RUNX2: variants seen among roughly 807,000 people sequenced by gnomAD.
RUNX2 encodes RUNX family transcription factor 2.
RUNX2 carries 10 observed loss-of-function variants against 51.7 expected under a neutral mutation model. That is an observed-to-expected ratio of 0.19 (90% CI 0.12 to 0.33). The LOEUF (loss-of-function observed/expected upper bound fraction) is 0.33. Ranked by LOEUF, RUNX2 falls within the 10% of genes least tolerant of loss-of-function variation. The probability of loss-of-function intolerance (pLI) is 1.00; values close to 1 mark genes in which losing one functional copy is unlikely to be tolerated. For missense variants in RUNX2, 562 were observed against 691.3 expected (o/e 0.81, Z 2.10); for synonymous variants, 276 against 273.6 (o/e 1.01, Z -0.09).
intron 2 of RUNX2, among the ~76,000 whole-genome samples, chr6:45,398,167 G>T (rs548285123): frequency 1.3e-5 from 2 of 152,310 alleles, no homozygotes; most frequent in Admixed American, 6.5e-5. Flanking sequence ...CTTTCAGTGT[G>T]CACTTAGGAA....
chr6:45,495,975 G>A (rs1221090872), intron 6 of RUNX2, among the ~76,000 whole-genome samples: 1 of 152,146 alleles, frequency 6.6e-6, no homozygotes, highest in Non-Finnish European at 1.5e-5. Context: ...TTTAATGGCT[G>A]ATGTTCAGCT....
intron 2 of RUNX2, among the ~76,000 whole-genome samples, chr6:45,399,517 G>A (rs370397911): frequency 4.0e-5 from 6 of 151,238 alleles, no homozygotes; most frequent in African/African-American, 9.7e-5. Context: ...GCACCACCAC[G>A]CCCAGCTAAT....
At chr6:45,362,371 T>C (rs1205533974) in intron 2 of RUNX2, among the ~76,000 whole-genome samples, 2 of 152,096 alleles carry the variant, frequency 1.3e-5, no homozygotes, top group African/African-American at 2.4e-5. Flanking sequence ...AAAGCAGCAA[T>C]ATAAACAGGC....
chr6:45,463,954 G>A (rs1224045070), intron 5 of RUNX2, among the ~76,000 whole-genome samples: 2 of 152,216 alleles, frequency 1.3e-5, no homozygotes, highest in East Asian at 1.9e-4. Flanking sequence ...AGCACATTGG[G>A]AGGCTGAGGC....
intron 6 of RUNX2, among the ~76,000 whole-genome samples, chr6:45,502,554 A>T (rs987145620): frequency 6.6e-6 from 1 of 152,020 alleles, no homozygotes. Flanking sequence ...ACCCATCCAG[A>T]ACTCATCCTG....
Position 45,472,662 on chromosome 6 carries a change from C to T in RUNX2, c.686-19279C>T, listed in dbSNP as rs532071146. On this transcript the variant is annotated intron_variant, in intron 5 of 8. Transcript: ENST00000647337. ...GGCTTGTATCTGGTTCCTGCTCTGACCCTGTGGCCTGGACACTGCTTTCCT... is the reference window on the plus strand; with the variant it reads ...GGCTTGTATCTGGTTCCTGCTCTGATCCTGTGGCCTGGACACTGCTTTCCT... 1.1e-4 allele frequency among the ~76,000 whole-genome samples: 17 copies of T among 152,286 alleles called. No homozygotes were observed. The South Asian group carries it at 2.7e-3, about 24-fold the overall frequency.
chr6:45,437,923 T>C (rs767869632), intron 4 of RUNX2, 24 bp from the exon 5 acceptor site: 7 of 1,514,330 alleles, frequency 4.6e-6, no homozygotes, highest in Non-Finnish European at 6.4e-6. Flanking sequence ...ATTCACTGTA[T>C]ATTTTCCCCT....
chr6:45,484,187 G>C lies in RUNX2; in HGVS notation c.686-7754G>C, dbSNP rs888575847. On this transcript the variant is annotated intron_variant, in intron 5 of 8. Coordinates refer to ENST00000647337, the MANE Select transcript of RUNX2 (RefSeq NM_001024630.4). ...CTGTTGTATTAGCCACAGGCCAGAG[G>C]TTAGGAGGGTTCTAGTGGAGGCCCA... Among the ~76,000 whole-genome samples, 21 of 152,280 alleles carry C rather than the reference G, an allele frequency of 1.4e-4. 1 individual carries two copies. In the East Asian group the frequency reaches 3.9e-3, roughly 28 times the overall value.
intron 5 of RUNX2, 129 bp from the exon 6 acceptor site, chr6:45,491,812 G>T: frequency 1.0e-6 from 1 of 974,314 alleles, no homozygotes; most frequent in South Asian, 1.3e-5. Context: ...ATGTAGACAA[G>T]TCATTATAAA....
intron 2 of RUNX2, among the ~76,000 whole-genome samples, chr6:45,382,573 G>T (rs1453901746): frequency 6.6e-6 from 1 of 152,192 alleles, no homozygotes; most frequent in African/African-American, 2.4e-5. Flanking sequence ...ACCGTAGGGT[G>T]GGGACAGGTC....
At position 45,485,521 on chromosome 6, in the gene RUNX2, C is replaced by T. The variant is rs1800246619; in HGVS notation, c.686-6420C>T. On this transcript the variant is annotated intron_variant, in intron 5 of 8. Transcript: ENST00000647337. ...CTGGCTGAGAGCTGTCTTTAAAGGG[C>T]AGATTCCCATAGGTACTGCATAGCT... is the stretch of plus-strand genomic sequence containing the variant. Among the ~76,000 whole-genome samples the T allele has an allele frequency of 2.0e-5, 3 of 151,634 alleles. No individual in the cohort carries two copies. In the South Asian group the frequency reaches 6.2e-4, roughly 31 times the overall value.
chr6:45,541,516 C>T (rs771385520), intron 7 of RUNX2, among the ~76,000 whole-genome samples: 9 of 152,252 alleles, frequency 5.9e-5, no homozygotes, highest in East Asian at 1.9e-4. Flanking sequence ...GTTAATAAAA[C>T]GTCCTTCGGA....
chr6:45,452,883 C>A (rs1799214121), intron 5 of RUNX2, among the ~76,000 whole-genome samples: 2 of 152,184 alleles, frequency 1.3e-5, no homozygotes, highest in South Asian at 4.1e-4. Context: ...CCCAAAATAA[C>A]TTGGGCTCCA....
At chr6:45,465,362 T>A (rs973300547) in intron 5 of RUNX2, among the ~76,000 whole-genome samples, 1 of 152,154 alleles carries the variant, frequency 6.6e-6, no homozygotes, top group African/African-American at 2.4e-5. Flanking sequence ...GTTAATTATA[T>A]GATATTTTGA....
chr6:45,351,952 T>C (rs1792141355), intron 2 of RUNX2, among the ~76,000 whole-genome samples: 1 of 152,128 alleles, frequency 6.6e-6, no homozygotes, highest in African/African-American at 2.4e-5. Context: ...TACTCCTAAT[T>C]AGCTTTCTGT....
chr6:45,547,181 C>A lies in RUNX2; in HGVS notation c.1442C>A (p.Thr481Lys). The change falls in exon 9 of 9, where the codon ACG (threonine) becomes AAG (lysine). Residue 481 changes from threonine to lysine, a missense_variant. Thr to Lys is a moderately conservative substitution (Grantham distance 78). Around this residue, in one of 5 missense-constraint regions of RUNX2, gnomAD observed 304 missense variants for 353.2 expected, o/e 0.86. Coordinates refer to ENST00000647337, the MANE Select transcript of RUNX2 (RefSeq NM_001024630.4). ...TGCACCACCACCTCGAATGGCAGCA[C>A]GCTATTAAATCCAAATTTGCCTAAC... is the stretch of plus-strand genomic sequence containing the variant. ...PPCTTTSNGSTLLNPNLPNQN... is the reference protein window; with the variant it reads ...PPCTTTSNGSKLLNPNLPNQN... 6.2e-7 allele frequency: 1 copy of A among 1,614,132 alleles called. No individual in the cohort carries two copies.
intron 2 of RUNX2, among the ~76,000 whole-genome samples, chr6:45,396,139 G>C (rs1223080627): frequency 6.6e-6 from 1 of 152,050 alleles, no homozygotes; most frequent in African/African-American, 2.4e-5. Context: ...ACCATAATAT[G>C]CATCTGTCAA....
rs905752606 is a variant in RUNX2 at position 45,547,849 on chromosome 6, T to G, written c.*544T>G. ...CATCATTCAGAATAACTCTTCCAAT[T>G]TCTGCTTTCAGACATGCTGCAGGTC... On this transcript the variant is annotated 3_prime_UTR_variant, in exon 9 of 9. Transcript: ENST00000647337. 1 of 161,026 alleles carries G rather than the reference T, an allele frequency of 6.2e-6. No individual in the cohort carries two copies. Among genetic ancestry groups the G allele is most frequent in the East Asian group, 1.8e-4 (1 of 5,684 alleles). The allele number at this position is 161,026 out of a possible 1,614,324, so 10.0% of individuals were successfully genotyped here. A position where few individuals can be genotyped will look rare whatever the true frequency, so the allele number is the denominator to read the frequency against.
chr6:45,511,956 A>G (rs980051372), intron 6 of RUNX2, among the ~76,000 whole-genome samples: 2 of 152,202 alleles, frequency 1.3e-5, no homozygotes, highest in Admixed American at 6.5e-5. Context: ...CTAAATGACT[A>G]TTAGACTTTC....
Sources: allele counts gnomAD v4.1 joint callset (sites outside exome capture counted in the v4.1 genomes callset), GRCh38; gene constraint gnomAD v4.1.1; regional missense constraint gnomAD v4.1.1; transcripts MANE v1.5; gene names NCBI Gene and HGNC (gene_info 2026-07-23, HGNC 2026-07-21).